Variants in RORA observed in about 807,000 individuals in gnomAD.
RORA encodes the protein RAR related orphan receptor A, also known as nuclear receptor ROR-alpha.
RORA carries 7 observed loss-of-function variants against 69.5 expected under a neutral mutation model. The observed-to-expected ratio is 0.10, with a 90% confidence interval of 0.06 to 0.19. The LOEUF is 0.19. Ranked by LOEUF, RORA falls within the 10% of genes least tolerant of loss-of-function variation. The probability of loss-of-function intolerance (pLI) is 1.00; values close to 1 mark genes in which losing one functional copy is unlikely to be tolerated. For synonymous variants in RORA, 261 were observed against 240.8 expected (o/e 1.08, Z -0.78); for missense variants, 457 against 663.0 (o/e 0.69, Z 3.41).
At chr15:60,834,687 C>T (rs2073092079) in intron 1 of RORA, among the ~76,000 whole-genome samples, 1 of 152,176 alleles carries the variant, frequency 6.6e-6, no homozygotes, top group Non-Finnish European at 1.5e-5. Context: ...TGCAGATTTG[C>T]CCAGCAGCCC....
rs758599739 is a variant in RORA, at chr15:60,496,573, A to G, written c.*882T>C. Reference sequence around the variant, plus strand: ...CCAAAAAGCAAAGTATAATTTAGGGAGAGTTCCGTTTCTAATTCCAAATTC... The same window carrying G: ...CCAAAAAGCAAAGTATAATTTAGGGGGAGTTCCGTTTCTAATTCCAAATTC... On this transcript the variant is annotated 3_prime_UTR_variant, in exon 11 of 11. Transcript: ENST00000335670. This position sits in a 1 kb window ranked among gnomAD's most constrained non-coding sequence, Gnocchi z 4.5. 2.0e-5 allele frequency: 3 copies of G among 152,176 alleles called. No homozygotes were observed. The highest frequency in any genetic ancestry group is 4.4e-5 in the Non-Finnish European group (3 of 68,026). 9.4% of individuals were successfully genotyped at this position (152,176 alleles called of 1,614,324 possible).
intron 1 of RORA, among the ~76,000 whole-genome samples, chr15:60,931,269 C>A (rs899641924): frequency 6.6e-6 from 1 of 152,206 alleles, no homozygotes; most frequent in African/African-American, 2.4e-5. Flanking sequence ...CCCAGAGGCA[C>A]AAAGCCCCTG....
chr15:60,890,565 T>C (rs539363431), intron 1 of RORA, among the ~76,000 whole-genome samples: 76 of 152,312 alleles, frequency 5.0e-4, no homozygotes, highest in African/African-American at 1.7e-3. Context: ...ATCGCCCTGC[T>C]CGGGGCCCCT....
At chr15:60,866,605 A>G (rs941843801) in intron 1 of RORA, among the ~76,000 whole-genome samples, 7 of 152,020 alleles carry the variant, frequency 4.6e-5, no homozygotes, top group African/African-American at 1.7e-4. Flanking sequence ...CACTCTCCAG[A>G]CCTCTAGGGA....
At chr15:61,080,771 T>A (rs2078527527) in intron 1 of RORA, among the ~76,000 whole-genome samples, 1 of 152,166 alleles carries the variant, frequency 6.6e-6, no homozygotes, top group Non-Finnish European at 1.5e-5. Context: ...GTGGATGCAG[T>A]TCAGATGTTT....
intron 1 of RORA, among the ~76,000 whole-genome samples, chr15:61,007,736 A>T (rs537294612): frequency 6.7e-6 from 1 of 148,762 alleles, no homozygotes; most frequent in African/African-American, 2.4e-5. Flanking sequence ...TATATTTTAT[A>T]TAACATTAGC....
intron 3 of RORA, among the ~76,000 whole-genome samples, chr15:60,526,632 A>G (rs1380479906): frequency 6.6e-6 from 1 of 152,248 alleles, no homozygotes; most frequent in Non-Finnish European, 1.5e-5. Flanking sequence ...AAACTCAGGC[A>G]TCGTAAGGAT....
intron 1 of RORA, among the ~76,000 whole-genome samples, chr15:60,960,309 A>C (rs1474042929): frequency 6.6e-6 from 1 of 152,222 alleles, no homozygotes; most frequent in Non-Finnish European, 1.5e-5. Flanking sequence ...TCCTGTAGCA[A>C]AGACAACCTC....
intron 1 of RORA, among the ~76,000 whole-genome samples, chr15:60,729,893 A>G (rs1019649718): frequency 1.3e-5 from 2 of 152,244 alleles, no homozygotes; most frequent in African/African-American, 2.4e-5. Flanking sequence ...TGTGGACAAT[A>G]GATTTAGTTT....
intron 2 of RORA, among the ~76,000 whole-genome samples, chr15:60,639,387 A>G (rs1018565328): frequency 6.6e-5 from 10 of 152,078 alleles, no homozygotes; most frequent in African/African-American, 2.4e-4. Context: ...CGAAGCTTCA[A>G]CGGGACCAGT....
chr15:61,194,781 G>A (rs567537672), intron 1 of RORA, among the ~76,000 whole-genome samples: 2 of 152,160 alleles, frequency 1.3e-5, no homozygotes, highest in Non-Finnish European at 1.5e-5. Context: ...AACACAGGTA[G>A]AGCCACACGG....
In RORA at chr15:60,905,984, C is replaced by T. The variant is rs1202554341; in HGVS notation, c.167-227298G>A. Among the ~76,000 whole-genome samples, 5 of 152,292 alleles carry T rather than the reference C, an allele frequency of 3.3e-5. No homozygotes were observed. The Middle Eastern group carries it at 0.01, about 311-fold the overall frequency. ...TTTCAGAGGTGTTTCATAAATAAATCAGCAAATCTACAAAAAGACTTCTCT... is the reference window on the plus strand; with the variant it reads ...TTTCAGAGGTGTTTCATAAATAAATTAGCAAATCTACAAAAAGACTTCTCT... On this transcript the variant is annotated intron_variant, in intron 1 of 10. Transcript: ENST00000335670. This position sits in a 1 kb window ranked among gnomAD's most constrained non-coding sequence, Gnocchi z 4.8.
intron 1 of RORA, among the ~76,000 whole-genome samples, chr15:61,069,489 C>T (rs187975228): frequency 1.4e-4 from 21 of 152,164 alleles, no homozygotes; most frequent in Admixed American, 3.3e-4. Context: ...TAGGATGCAG[C>T]GTCCAGGGAA....
intron 1 of RORA, among the ~76,000 whole-genome samples, chr15:61,187,115 C>T (rs908449575): frequency 6.6e-6 from 1 of 152,228 alleles, no homozygotes; most frequent in Non-Finnish European, 1.5e-5. Flanking sequence ...TCAAAAGCGG[C>T]GGTGGCAGGC....
chr15:60,961,170 C>T (rs1893404156), intron 1 of RORA, among the ~76,000 whole-genome samples: 1 of 152,198 alleles, frequency 6.6e-6, no homozygotes, highest in Non-Finnish European at 1.5e-5. Context: ...CCCCACATAA[C>T]ATTTCTTTTC....
At chr15:60,597,764 A>G (rs994403172) in intron 2 of RORA, among the ~76,000 whole-genome samples, 3 of 149,910 alleles carry the variant, frequency 2.0e-5, no homozygotes, top group Non-Finnish European at 4.4e-5. Context: ...TTTACCTTTC[A>G]GGACACCAGG....
At chr15:61,034,725 C>A (rs1896362015) in intron 1 of RORA, among the ~76,000 whole-genome samples, 1 of 134,476 alleles carries the variant, frequency 7.4e-6, no homozygotes. Flanking sequence ...AAAAAAAAAT[C>A]TTTTTTCTTT....
intron 1 of RORA, among the ~76,000 whole-genome samples, chr15:60,986,565 G>A (rs2140365563): frequency 6.6e-6 from 1 of 152,284 alleles, no homozygotes; most frequent in East Asian, 1.9e-4. Flanking sequence ...TTGGCCATGG[G>A]AGCTTTAGAC....
chr15:60,496,640 G>T lies in RORA; in HGVS notation c.*815C>A, dbSNP rs757720003. 1.3e-5 allele frequency: 2 copies of T among 151,920 alleles called. No homozygotes were observed. The highest frequency in any genetic ancestry group is 2.4e-5 in the African/African-American group (1 of 41,346). The allele number at this position is 151,920 out of a possible 1,614,324, so 9.4% of individuals were successfully genotyped here. On this transcript the variant is annotated 3_prime_UTR_variant, in exon 11 of 11. Coordinates refer to ENST00000335670, the MANE Select transcript of RORA (RefSeq NM_134261.3). This position sits in a 1 kb window ranked among gnomAD's most constrained non-coding sequence, Gnocchi z 4.5. ...ATCCAACGTGGTGATTTCTAGATAT[G>T]ACCAGCCAGTCTCTTAAAAATAATT...
Sources: allele counts gnomAD v4.1 joint callset (sites outside exome capture counted in the v4.1 genomes callset), GRCh38; gene constraint gnomAD v4.1.1; non-coding constraint Gnocchi (gnomAD v3.1); transcripts MANE v1.5; gene names NCBI Gene and HGNC (gene_info 2026-07-23, HGNC 2026-07-21).